The following RBFOX1 variants were observed in gnomAD, a reference collection of about 807,000 sequenced individuals.
RBFOX1 encodes the protein RNA binding protein fox-1 homolog 1.
A neutral mutation model predicts 57.7 loss-of-function variants in RBFOX1; 8 were observed. The observed-to-expected ratio is 0.14, with a 90% CI of 0.08 to 0.25. RBFOX1 has a LOEUF of 0.25. Ranked by LOEUF, RBFOX1 falls within the 10% of genes least tolerant of loss-of-function variation. RBFOX1 has a pLI of 1.00. For missense variants in RBFOX1, 611 were observed against 548.5 expected, an observed-to-expected ratio of 1.11 and a Z score of -1.14; for synonymous variants, 326 against 222.4, an observed-to-expected ratio of 1.47 and a Z score of -4.15.
intron 4 of RBFOX1, among the ~76,000 whole-genome samples, chr16:6,001,629 T>A (rs1455905271): frequency 6.6e-6 from 1 of 152,234 alleles, no homozygotes; most frequent in East Asian, 1.9e-4. Context: ...TTAGTGCTTA[T>A]GTATTTGCTT....
rs2080999953 is a variant in RBFOX1, at chr16:6,315,556, GAT to G, written c.-126-1438_-126-1437del. Among the ~76,000 whole-genome samples, 5 of 72,084 alleles carry G rather than the reference GAT, an allele frequency of 6.9e-5. No individual in the cohort carries two copies. The South Asian group carries it at 1.9e-3, about 28-fold the overall frequency. The allele number at this position is 72,084 out of a possible 152,430, so 47.3% of individuals were successfully genotyped here. On this transcript the variant is annotated intron_variant, in intron 1 of 15. Coordinates refer to ENST00000550418, the MANE Select transcript of RBFOX1 (RefSeq NM_018723.4). The stretch of plus-strand genomic sequence containing the variant: ...ACATGGATGGATGGATGGATGGATG[GAT>G]GGATGGATGGATGGATGGATAGATG...
intron 4 of RBFOX1, among the ~76,000 whole-genome samples, chr16:7,079,623 G>A (rs766868173): frequency 1.3e-5 from 2 of 152,110 alleles, no homozygotes; most frequent in Non-Finnish European, 2.9e-5. Flanking sequence ...ACCTCATAAA[G>A]CCTTTTGCGT....
intron 3 of RBFOX1, among the ~76,000 whole-genome samples, chr16:7,043,885 AT>A (rs917985407): frequency 1.3e-5 from 2 of 152,090 alleles, no homozygotes; most frequent in African/African-American, 2.4e-5. Context: ...CTCTGAATAT[AT>A]TTTTTTCATT....
Position 5,908,147 on chromosome 16 carries a change from CATATATACACAT to C in RBFOX1, c.351+40830_351+40841del, listed in dbSNP as rs1330192028. ...ACATATATATATACACATATATACA[CATATATACACAT>C]ATATATACACATATATACACATATA... is the stretch of plus-strand genomic sequence containing the variant. On this transcript the variant is annotated intron_variant, in intron 4 of 19. Coordinates refer to the RBFOX1 transcript ENST00000641259. Among the ~76,000 whole-genome samples, 207 of 142,304 alleles carry C rather than the reference CATATATACACAT, an allele frequency of 1.5e-3. 2 individuals carry two copies. In the Middle Eastern group the frequency reaches 0.015, roughly 10 times the overall value. 93.4% of individuals were successfully genotyped at this position (142,304 alleles called of 152,430 possible).
At chr16:6,638,916 C>T (rs1433250872) in intron 2 of RBFOX1, among the ~76,000 whole-genome samples, 1 of 152,088 alleles carries the variant, frequency 6.6e-6, no homozygotes, top group East Asian at 1.9e-4. Flanking sequence ...TCATTTTCTA[C>T]CAGGAAGCAA....
intron 3 of RBFOX1, among the ~76,000 whole-genome samples, chr16:6,889,074 C>G (rs926531327): frequency 6.6e-6 from 1 of 152,244 alleles, no homozygotes; most frequent in African/African-American, 2.4e-5. Flanking sequence ...CTTATAGACA[C>G]GGGTTGGTTA....
At chr16:5,759,803 C>G (rs1056978459) in intron 3 of RBFOX1, among the ~76,000 whole-genome samples, 1 of 147,054 alleles carries the variant, frequency 6.8e-6, no homozygotes, top group East Asian at 2.0e-4. Flanking sequence ...ATTTTTTTTT[C>G]TTGGCATGGC....
chr16:7,169,185 G>T (rs1466916614), intron 4 of RBFOX1, among the ~76,000 whole-genome samples: 1 of 152,158 alleles, frequency 6.6e-6, no homozygotes, highest in African/African-American at 2.4e-5. Flanking sequence ...CATGGCCATA[G>T]TTTCCTCATA....
chr16:5,507,589 C>CGTTA (rs2043422348), intron 2 of RBFOX1, among the ~76,000 whole-genome samples: 1 of 152,156 alleles, frequency 6.6e-6, no homozygotes, highest in South Asian at 2.1e-4. Context: ...AAGTCCTAAC[C>CGTTA]CTTCATGCCT....
intron 4 of RBFOX1, among the ~76,000 whole-genome samples, chr16:7,492,886 G>T (rs2067375538): frequency 6.6e-6 from 1 of 152,014 alleles, no homozygotes; most frequent in African/African-American, 2.4e-5. Flanking sequence ...CACCAACCAT[G>T]AGCTAATTAA....
chr16:6,991,402 C>T (rs887226140), intron 3 of RBFOX1, among the ~76,000 whole-genome samples: 2 of 152,152 alleles, frequency 1.3e-5, no homozygotes, highest in Non-Finnish European at 2.9e-5. Flanking sequence ...AGCAACATTC[C>T]GTTTGGGCCT....
chr16:6,938,490 C>T (rs2077747489), intron 3 of RBFOX1, among the ~76,000 whole-genome samples: 2 of 152,176 alleles, frequency 1.3e-5, no homozygotes, highest in African/African-American at 4.8e-5. Context: ...TTCTAAGTCT[C>T]ATCCATAATA....
intron 3 of RBFOX1, among the ~76,000 whole-genome samples, chr16:6,661,419 GAGAGA>G (rs2098700837): frequency 6.6e-6 from 1 of 152,172 alleles, no homozygotes; most frequent in Non-Finnish European, 1.5e-5. Context: ...TTGGCTAAAG[GAGAGA>G]CTACAGCAGT....
intron 2 of RBFOX1, among the ~76,000 whole-genome samples, chr16:5,515,507 A>G (rs995029808): frequency 7.2e-5 from 11 of 152,356 alleles, no homozygotes; most frequent in Non-Finnish European, 1.2e-4. Flanking sequence ...CCCAGGCACT[A>G]AAATCAAATC....
intron 4 of RBFOX1, among the ~76,000 whole-genome samples, chr16:5,921,000 C>T (rs975385945): frequency 1.5e-5 from 2 of 135,790 alleles, no homozygotes; most frequent in African/African-American, 5.3e-5. Context: ...GCAGGAGACT[C>T]CATGGATAAT....
chr16:5,669,350 G>T (rs544780910), intron 3 of RBFOX1, among the ~76,000 whole-genome samples: 12 of 151,666 alleles, frequency 7.9e-5, no homozygotes, highest in African/African-American at 2.7e-4. Flanking sequence ...CAAGGCTTGG[G>T]CTCTTTGGGT....
chr16:6,432,517 C>CA (rs71145230), intron 2 of RBFOX1, among the ~76,000 whole-genome samples: 12,253 of 116,600 alleles, frequency 0.11, 900 homozygotes, highest in African/African-American at 0.23. Context: ...ACTAAAAATA[C>CA]AAAAAAAAAA....
chr16:6,532,972 C>T (rs552058442), intron 2 of RBFOX1, among the ~76,000 whole-genome samples: 8 of 152,328 alleles, frequency 5.3e-5, no homozygotes, highest in Non-Finnish European at 1.0e-4. Context: ...CCCTGTGGAA[C>T]ATTGTGATTA....
chr16:7,083,147 T>A (rs546802617), intron 4 of RBFOX1, among the ~76,000 whole-genome samples: 1 of 152,152 alleles, frequency 6.6e-6, no homozygotes, highest in African/African-American at 2.4e-5. Context: ...ATGAGCAGAA[T>A]TTAAAACATA....
Sources: allele counts gnomAD v4.1 joint callset (sites outside exome capture counted in the v4.1 genomes callset), GRCh38; gene constraint gnomAD v4.1.1; transcripts MANE v1.5; gene names NCBI Gene and HGNC (gene_info 2026-07-23, HGNC 2026-07-21).